Variants in FAM98A observed in about 807,000 individuals in gnomAD.
The protein encoded by FAM98A is tRNA splicing ligase complex subunit 3A.
Under a neutral mutation model 62.9 loss-of-function variants are expected in FAM98A, and 25 were observed. The ratio of observed to expected loss-of-function variants is 0.40; its 90% CI spans 0.29 to 0.56. The LOEUF (loss-of-function observed/expected upper bound fraction) is 0.56. Among genes scored for constraint, FAM98A ranks in the 20% least tolerant of loss-of-function variants. The pLI is 0.51. For missense variants in FAM98A, 653 were observed against 640.7 expected, an observed-to-expected ratio of 1.02 and a Z score of -0.21; for synonymous variants, 252 against 228.6, an observed-to-expected ratio of 1.10 and a Z score of -0.92.
chr2:33,595,389 C>T, intron 2 of FAM98A, 100 bp downstream of exon 2: 1 of 1,070,352 alleles, frequency 9.3e-7, no homozygotes, highest in Non-Finnish European at 1.3e-6. Context: ...TTTACATTTA[C>T]AAAAACTTGC....
chr2:33,592,478 G>A (rs562313854), intron 2 of FAM98A, among the ~76,000 whole-genome samples: 1 of 152,140 alleles, frequency 6.6e-6, no homozygotes, highest in East Asian at 1.9e-4. Flanking sequence ...GGATCCTCCT[G>A]TTTAAGTCTC....
At chr2:33,585,754 C>A in intron 6 of FAM98A, 57 bp from the exon 7 acceptor site, 1 of 1,489,614 alleles carries the variant, frequency 6.7e-7, no homozygotes, top group South Asian at 1.2e-5. Context: ...ACATAAGAAA[C>A]ACATATTAAA....
At position 33,584,955 on chromosome 2, in the gene FAM98A, C is replaced by T. The variant is rs777369295; in HGVS notation, c.1378G>A (p.Gly460Ser). Reference sequence around the variant, plus strand: ...CCACGACCACCTCGCCCACCACGACCACCACCACGATCACCATGGTGCCCG... The same window carrying T: ...CCACGACCACCTCGCCCACCACGACTACCACCACGATCACCATGGTGCCCG... ...DGGHHGDRGG[G>S]RGGRGGRGGR... The change falls in exon 8 of 8, where the codon GGT (glycine) becomes AGT (serine). Residue 460 changes from glycine to serine, a missense_variant. Physicochemically the swap from Gly to Ser is moderately conservative, Grantham distance 56 (BLOSUM62 0). Coordinates refer to ENST00000238823, the MANE Select transcript of FAM98A (RefSeq NM_015475.5). The T allele has an allele frequency of 1.2e-6, 2 of 1,614,088 alleles. No homozygotes were observed. Among genetic ancestry groups the T allele is most frequent in the Non-Finnish European group, 1.7e-6 (2 of 1,180,010 alleles).
At chr2:33,597,898 A>G (rs1677849820) in intron 1 of FAM98A, among the ~76,000 whole-genome samples, 1 of 152,224 alleles carries the variant, frequency 6.6e-6, no homozygotes, top group African/African-American at 2.4e-5. Flanking sequence ...GTTCCTAAAA[A>G]AGTCCTAATG....
intron 1 of FAM98A, among the ~76,000 whole-genome samples, chr2:33,596,891 CAAAAAAAAA>C (rs55741538): frequency 9.7e-6 from 1 of 103,436 alleles, no homozygotes; most frequent in East Asian, 3.0e-4. Flanking sequence ...GACTCCGTAT[CAAAAAAAAA>C]AAAAAAAAAA....
intron 4 of FAM98A, chr2:33,587,527 C>T (rs1193344337): frequency 1.8e-6 from 1 of 542,948 alleles, no homozygotes; most frequent in Non-Finnish European, 3.3e-6. Context: ...TTCATTGCAC[C>T]TAGAACAGTG....
chr2:33,595,377 T>A, intron 2 of FAM98A, 112 bp downstream of exon 2: 1 of 924,046 alleles, frequency 1.1e-6, no homozygotes, highest in Non-Finnish European at 1.5e-6. Context: ...CTTTACAAAT[T>A]TTTTACATTT....
chr2:33,597,546 A>G (rs564277597), intron 1 of FAM98A, among the ~76,000 whole-genome samples: 1 of 152,288 alleles, frequency 6.6e-6, no homozygotes, highest in Non-Finnish European at 1.5e-5. Flanking sequence ...TACAGTAACA[A>G]TTACTTGTAC....
At chr2:33,598,409 G>GT (rs1250943179) in intron 1 of FAM98A, among the ~76,000 whole-genome samples, 3 of 152,206 alleles carry the variant, frequency 2.0e-5, no homozygotes, top group African/African-American at 7.2e-5. Flanking sequence ...TGATCTGGGT[G>GT]ACCCAGTGAG....
In FAM98A at chr2:33,585,218, C is replaced by T; in HGVS notation, c.1115G>A (p.Gly372Glu). ...TTGATGCTTATTTCCTCTTCCTCCC[C>T]CTCGGCCACCATGGTCATAGCCACC... The part of the protein sequence containing the change: ...GRGGYDHGGR[G>E]GGRGNKHQGG... The change falls in exon 8 of 8, where the codon GGG becomes GAG. Residue 372 changes from glycine to glutamate, a missense_variant. By Grantham distance (98) the Gly-to-Glu change is moderately conservative (BLOSUM62 -2). Coordinates refer to ENST00000238823, the MANE Select transcript of FAM98A (RefSeq NM_015475.5). 1 of 1,614,110 alleles carries T rather than the reference C, an allele frequency of 6.2e-7. No individual in the cohort carries two copies. The highest frequency in any genetic ancestry group is 1.3e-5 in the African/African-American group (1 of 75,010).
In FAM98A at chr2:33,590,104, G is replaced by A. The variant is rs146421778; in HGVS notation, c.338-1585C>T. On this transcript the variant is annotated intron_variant, in intron 3 of 7. Transcript: ENST00000238823. The stretch of plus-strand genomic sequence containing the variant: ...ATAACATTTTTTAAAACATCAAAAA[G>A]ATGACCTCTTCCGATAATCTAGTTA... Among the ~76,000 whole-genome samples the A allele has an allele frequency of 1.9e-3, 296 of 152,190 alleles. 3 individuals carry two copies. The highest frequency in any genetic ancestry group is 6.7e-3 in the African/African-American group (280 of 41,514).
Position 33,587,455 on chromosome 2 carries a change from A to G in FAM98A, c.523-135T>C, listed in dbSNP as rs1001224851. 3 of 691,572 alleles carry G rather than the reference A, an allele frequency of 4.3e-6. No individual in the cohort carries two copies. In the Admixed American group the frequency reaches 7.0e-5, roughly 16 times the overall value. The allele number at this position is 691,572 out of a possible 1,614,324, so 42.8% of individuals were successfully genotyped here. Reference sequence around the variant, plus strand: ...AGGTGGAGGATGTTTTGAAATGCAAATGTAAAAGACCCACAAGATAAAGAC... The same window carrying G: ...AGGTGGAGGATGTTTTGAAATGCAAGTGTAAAAGACCCACAAGATAAAGAC... On this transcript the variant is annotated intron_variant, in intron 4 of 7. Transcript: ENST00000238823.
rs1443344740 is a variant in FAM98A, at chr2:33,583,662, GAACTT to G, written c.*1109_*1113del. The G allele has an allele frequency of 2.6e-5, 4 of 152,616 alleles. No homozygotes were observed. Among genetic ancestry groups the G allele is most frequent in the Non-Finnish European group, 4.4e-5 (3 of 68,034 alleles). 9.5% of individuals were successfully genotyped at this position (152,616 alleles called of 1,614,324 possible). Reference sequence around the variant, plus strand: ...TAAAATAAAACTCAAACCAAAGAGAGAACTTAACAGATACTTTATTGCTCACCTTT... The same window carrying G: ...TAAAATAAAACTCAAACCAAAGAGAGAACAGATACTTTATTGCTCACCTTT... On this transcript the variant is annotated 3_prime_UTR_variant, in exon 8 of 8. Coordinates refer to ENST00000238823, the MANE Select transcript of FAM98A (RefSeq NM_015475.5).
Position 33,584,673 on chromosome 2 carries a change from G to A in FAM98A, c.*103C>T, listed in dbSNP as rs529509200. On this transcript the variant is annotated 3_prime_UTR_variant, in exon 8 of 8. Transcript: ENST00000238823. ...GCTTATGCCAAGCAGGAATCTGCCT[G>A]CCACCTGTGGTCTCACATTAATTCA... is the stretch of plus-strand genomic sequence containing the variant. The A allele has an allele frequency of 7.0e-6, 7 of 1,007,184 alleles. No homozygotes were observed. The East Asian group carries it at 1.7e-4, about 24-fold the overall frequency. 62.4% of individuals were successfully genotyped at this position (1,007,184 alleles called of 1,614,324 possible). A position where few individuals can be genotyped will look rare whatever the true frequency, so the allele number is the denominator to read the frequency against.
chr2:33,593,060 G>A (rs78610274), intron 2 of FAM98A, among the ~76,000 whole-genome samples: 1 of 152,096 alleles, frequency 6.6e-6, no homozygotes, highest in East Asian at 1.9e-4. Context: ...CTTCACCCTC[G>A]TACTTGCTGA....
rs771645222 is a variant in FAM98A at position 33,585,638 on chromosome 2, T to C, written c.780A>G (p.Lys260=). ...YQPKRSVLSP[K]TTISVAHLLA... ...AAAGATGGGCAACAGAAATAGTAGT[T>C]TTAGGGGATAAGACTGAACGTTTCG... The change falls in exon 7 of 8, where the codon AAA becomes AAG. Residue 260 remains lysine, a synonymous_variant. Transcript: ENST00000238823. 1.7e-5 allele frequency: 27 copies of C among 1,614,092 alleles called. No homozygotes were observed. In the East Asian group the frequency reaches 5.6e-4, roughly 33 times the overall value.
At chr2:33,592,286 T>G in intron 2 of FAM98A, 72 bp from the exon 3 acceptor site, 1 of 1,213,242 alleles carries the variant, frequency 8.2e-7, no homozygotes, top group Non-Finnish European at 1.2e-6. Context: ...TTATTATATA[T>G]AATTGAAATT....
chr2:33,584,591 C>A lies in FAM98A; in HGVS notation c.*185G>T, dbSNP rs1014501973. On this transcript the variant is annotated 3_prime_UTR_variant, in exon 8 of 8. Coordinates refer to ENST00000238823, the MANE Select transcript of FAM98A (RefSeq NM_015475.5). ...AGATGTTATGTGTTTCTCAAATAAA[C>A]GGCATTATGTAAGTCCAATAAAAAA... The A allele has an allele frequency of 5.4e-6, 3 of 551,780 alleles. No individual in the cohort carries two copies. The highest frequency in any genetic ancestry group is 3.7e-5 in the African/African-American group (2 of 53,722). The allele number at this position is 551,780 out of a possible 1,614,324, so 34.2% of individuals were successfully genotyped here.
chr2:33,591,706 CA>C (rs1677674514), intron 3 of FAM98A, among the ~76,000 whole-genome samples: 1 of 152,102 alleles, frequency 6.6e-6, no homozygotes, highest in Non-Finnish European at 1.5e-5. Flanking sequence ...AATTTCTAAA[CA>C]AAATCTCCAT....
Sources: allele counts gnomAD v4.1 joint callset (sites outside exome capture counted in the v4.1 genomes callset), GRCh38; gene constraint gnomAD v4.1.1; transcripts MANE v1.5; gene names NCBI Gene and HGNC (gene_info 2026-07-23, HGNC 2026-07-21).